The following ELP4 variants were observed in gnomAD, a reference collection of about 807,000 sequenced individuals.
ELP4 encodes the protein elongator acetyltransferase complex subunit 4, also known as elongator complex protein 4.
Under a neutral mutation model 48.9 loss-of-function variants are expected in ELP4, and 51 were observed. That is an observed-to-expected ratio of 1.04 (90% confidence interval 0.83 to 1.32). The LOEUF is 1.32. Ranked by LOEUF, ELP4 falls within the 40% of genes most tolerant of loss-of-function variation. ELP4 has a pLI of 0.00. For synonymous variants in ELP4, 210 were observed against 189.2 expected (o/e 1.11, Z -0.90); for missense variants, 519 against 514.6 (o/e 1.01, Z -0.08).
chr11:31,734,108 A>G (rs1947252645), intron 9 of ELP4, among the ~76,000 whole-genome samples: 1 of 152,252 alleles, frequency 6.6e-6, no homozygotes, highest in South Asian at 2.1e-4. Context: ...AGATTGAGGG[A>G]TGAAAAAGCA....
intron 2 of ELP4, among the ~76,000 whole-genome samples, chr11:31,533,857 A>G (rs527257211): frequency 6.6e-6 from 1 of 151,784 alleles, no homozygotes; most frequent in East Asian, 2.0e-4. Context: ...TTTGTTTGAG[A>G]CGGAGTCTCA....
intron 3 of ELP4, among the ~76,000 whole-genome samples, chr11:31,591,494 TG>T (rs969848617): frequency 2.7e-5 from 4 of 149,372 alleles, no homozygotes; most frequent in Admixed American, 2.7e-4. Context: ...ACCCAGCACA[TG>T]AAGTTATGCT....
chr11:31,655,936 CT>C (rs2134082529), intron 9 of ELP4, among the ~76,000 whole-genome samples: 1 of 152,062 alleles, frequency 6.6e-6, no homozygotes, highest in African/African-American at 2.4e-5. Context: ...TCACTTACCT[CT>C]TTATATAAAT....
In ELP4 at chr11:31,524,813, G is replaced by C. The variant is rs191648660; in HGVS notation, c.259+4722G>C. 3.9e-5 allele frequency among the ~76,000 whole-genome samples: 6 copies of C among 152,100 alleles called. No individual in the cohort carries two copies. In the East Asian group the frequency reaches 1.2e-3, roughly 29 times the overall value. On this transcript the variant is annotated intron_variant, in intron 2 of 9. Transcript: ENST00000640961. The stretch of plus-strand genomic sequence containing the variant: ...AGCCTGGGCAACATGGCAAAACCCT[G>C]TTTCTACAAAAAAATACAAAAATTA...
chr11:31,647,544 T>C, intron 7 of ELP4, 197 bp from the exon 8 acceptor site: 1 of 465,088 alleles, frequency 2.2e-6, no homozygotes, highest in Non-Finnish European at 3.9e-6. Flanking sequence ...ATAGCATGAC[T>C]ACATGGGCCA....
At chr11:31,772,608 C>G (rs1019293084) in intron 9 of ELP4, among the ~76,000 whole-genome samples, 1 of 152,154 alleles carries the variant, frequency 6.6e-6, no homozygotes, top group East Asian at 1.9e-4. Flanking sequence ...TAAACTGAAG[C>G]CAGACTGCCC....
At chr11:31,746,027 A>G (rs1316168410) in intron 9 of ELP4, among the ~76,000 whole-genome samples, 2 of 152,182 alleles carry the variant, frequency 1.3e-5, no homozygotes, top group African/African-American at 2.4e-5. Flanking sequence ...TCTACAATGA[A>G]CTCAAACAAA....
At chr11:31,519,465 A>G (rs1462765389) in intron 1 of ELP4, among the ~76,000 whole-genome samples, 3 of 152,218 alleles carry the variant, frequency 2.0e-5, no homozygotes, top group Admixed American at 6.5e-5. Context: ...AACCACAGTT[A>G]GGTTGAATGC....
chr11:31,608,299 T>A (rs747946093), intron 5 of ELP4, among the ~76,000 whole-genome samples: 1 of 152,042 alleles, frequency 6.6e-6, no homozygotes, highest in South Asian at 2.1e-4. Flanking sequence ...GACAGCCTGA[T>A]TGATGGCTCA....
In ELP4 at chr11:31,559,693, C is replaced by T. The variant is rs1302909963; in HGVS notation, c.381+19910C>T. 2.6e-5 allele frequency among the ~76,000 whole-genome samples: 4 copies of T among 152,178 alleles called. No homozygotes were observed. The East Asian group carries it at 7.8e-4, about 30-fold the overall frequency. On this transcript the variant is annotated intron_variant, in intron 3 of 9. Coordinates refer to ENST00000640961, the MANE Select transcript of ELP4 (RefSeq NM_019040.5). Reference sequence around the variant, plus strand: ...CTGAGGCGGGCAGATCACCTGAGGTCAGGAGTTCGAGACCAGCCTGACCAA... The same window carrying T: ...CTGAGGCGGGCAGATCACCTGAGGTTAGGAGTTCGAGACCAGCCTGACCAA...
At chr11:31,580,574 C>T (rs144275046) in intron 3 of ELP4, 80 of 152,646 alleles carry the variant, frequency 5.2e-4, no homozygotes, top group Non-Finnish European at 1.0e-4. Flanking sequence ...ACACCATACA[C>T]ACACACACAT....
chr11:31,593,227 C>CTGTTGTTGTTGT (rs61458094), intron 3 of ELP4, among the ~76,000 whole-genome samples: 7,610 of 149,940 alleles, frequency 0.051, 222 homozygotes, highest in African/African-American at 0.067. Flanking sequence ...GTGAATAATA[C>CTGTTGTTGTTGT]TGTTGTTGTT....
Position 31,789,245 on chromosome 11 carries a change from A to G in ELP4, c.*5721A>G. 1 of 214,620 alleles carries G rather than the reference A, an allele frequency of 4.7e-6. No individual in the cohort carries two copies. Among genetic ancestry groups the G allele is most frequent in the Non-Finnish European group, 9.4e-6 (1 of 106,362 alleles). 13.3% of individuals were successfully genotyped at this position (214,620 alleles called of 1,614,324 possible). ...TATAGAAATCATTCTGAGGATTTCT[A>G]GGGAAGACAAATACTTACATTTTGA... On this transcript the variant is annotated 3_prime_UTR_variant, in exon 10 of 10. Coordinates refer to ENST00000640961, the MANE Select transcript of ELP4 (RefSeq NM_019040.5).
chr11:31,659,240 C>T (rs1417033954), intron 9 of ELP4, among the ~76,000 whole-genome samples: 1 of 152,056 alleles, frequency 6.6e-6, no homozygotes, highest in African/African-American at 2.4e-5. Context: ...TGTCATCACT[C>T]CAAGTCACAG....
At chr11:31,652,954 G>A (rs1945353550) in intron 9 of ELP4, 1 of 151,608 alleles carries the variant, frequency 6.6e-6, no homozygotes. Context: ...TGCCCTTTAT[G>A]TGTATGAAAA....
intron 3 of ELP4, among the ~76,000 whole-genome samples, chr11:31,583,063 T>C (rs1423854818): frequency 6.6e-6 from 1 of 152,126 alleles, no homozygotes; most frequent in Non-Finnish European, 1.5e-5. Flanking sequence ...CACAGTTAGT[T>C]GGTGGAGGTA....
In ELP4 at chr11:31,669,820, G is replaced by A. The variant is rs79219236; in HGVS notation, c.1143+19599G>A. On this transcript the variant is annotated intron_variant, in intron 9 of 9. Coordinates refer to ENST00000640961, the MANE Select transcript of ELP4 (RefSeq NM_019040.5). ...GTCTGTTTCATGGAGAAGGGTATTA[G>A]TAATCAGTCCTCCAAACCCAAACTA... Among the ~76,000 whole-genome samples the A allele has an allele frequency of 3.9e-5, 6 of 152,296 alleles. No individual in the cohort carries two copies. The East Asian group carries it at 1.2e-3, about 29-fold the overall frequency.
At chr11:31,764,296 C>T (rs1948003297) in intron 9 of ELP4, among the ~76,000 whole-genome samples, 1 of 152,190 alleles carries the variant, frequency 6.6e-6, no homozygotes, top group Non-Finnish European at 1.5e-5. Context: ...TTGAAGACAA[C>T]CTTTGAAAGT....
At chr11:31,596,870 G>A (rs1004249755) in intron 4 of ELP4, among the ~76,000 whole-genome samples, 1 of 152,004 alleles carries the variant, frequency 6.6e-6, no homozygotes, top group African/African-American at 2.4e-5. Context: ...AAAAGGAAAT[G>A]TAAGTGACTC....
Sources: allele counts gnomAD v4.1 joint callset (sites outside exome capture counted in the v4.1 genomes callset), GRCh38; gene constraint gnomAD v4.1.1; transcripts MANE v1.5; gene names NCBI Gene and HGNC (gene_info 2026-07-23, HGNC 2026-07-21).